Variants in CRB1 observed in about 807,000 individuals in gnomAD.
CRB1 encodes crumbs cell polarity complex component 1.
Under a neutral mutation model 120.0 loss-of-function variants are expected in CRB1, and 83 were observed. The ratio of observed to expected loss-of-function variants is 0.69; its 90% CI spans 0.58 to 0.83. CRB1 has a LOEUF of 0.83. CRB1 is among the 40% of genes least tolerant of loss of function. CRB1 has a pLI of 0.00. For synonymous variants in CRB1, 625 were observed against 612.5 expected, an observed-to-expected ratio of 1.02 and a Z score of -0.30; for missense variants, 1,699 against 1,687.6, an observed-to-expected ratio of 1.01 and a Z score of -0.12.
At position 197,435,080 on chromosome 1, in the gene CRB1, T is replaced by A. The variant is rs1665076063; in HGVS notation, c.3217T>A (p.Phe1073Ile). ...CACAATTGCTACTGGAAGCCTCAAC[T>A]TTTTGAAGGATAATACAGATATTTA... ...TSTIATGSLN[F>I]LKDNTDIYVG... Residue 1073 changes from phenylalanine to isoleucine, a missense_variant, in exon 9 of 12, where the codon TTT (phenylalanine) becomes ATT (isoleucine). Transcript: ENST00000367400. 1 of 1,613,954 alleles carries A rather than the reference T, an allele frequency of 6.2e-7. No individual in the cohort carries two copies. Among genetic ancestry groups the A allele is most frequent in the African/African-American group, 1.3e-5 (1 of 75,022 alleles).
intron 11 of CRB1, among the ~76,000 whole-genome samples, chr1:197,472,692 T>C (rs1184996114): frequency 1.3e-5 from 2 of 152,160 alleles, no homozygotes; most frequent in African/African-American, 2.4e-5. Context: ...TTAGATTAAC[T>C]CTCAAGCAAT....
intron 11 of CRB1, among the ~76,000 whole-genome samples, chr1:197,460,557 C>G (rs1666483604): frequency 6.6e-6 from 1 of 152,146 alleles, no homozygotes; most frequent in African/African-American, 2.4e-5. Context: ...CACATGCACT[C>G]AACATGCAAT....
chr1:197,244,056 G>A, the CRB1 span, among the ~76,000 whole-genome samples: 12 of 151,940 alleles, frequency 7.9e-5, no homozygotes, highest in Admixed American at 1.3e-4. Flanking sequence ...TTTATTTTGA[G>A]CCTGTGTGTG....
At chr1:197,473,636 C>T (rs1021381932) in intron 11 of CRB1, among the ~76,000 whole-genome samples, 2 of 150,866 alleles carry the variant, frequency 1.3e-5, no homozygotes, top group Non-Finnish European at 3.0e-5. Context: ...AAAAACAATT[C>T]TACATTATAT....
rs370620504 is a variant in CRB1 at position 197,454,728 on chromosome 1, A to G, written c.4005+12436A>G. 3.9e-4 allele frequency among the ~76,000 whole-genome samples: 59 copies of G among 152,320 alleles called. 1 individual carries two copies. In the South Asian group the frequency reaches 0.012, roughly 32 times the overall value. Reference sequence around the variant, plus strand: ...TCATGCAGCATTTTTGTTAGCTGTCAAATCAATCTCATCATCTACTAAAAT... The same window carrying G: ...TCATGCAGCATTTTTGTTAGCTGTCGAATCAATCTCATCATCTACTAAAAT... On this transcript the variant is annotated intron_variant, in intron 11 of 11. Transcript: ENST00000367400.
intron 5 of CRB1, among the ~76,000 whole-genome samples, chr1:197,401,539 T>C (rs1663063863): frequency 6.6e-6 from 1 of 152,200 alleles, no homozygotes; most frequent in South Asian, 2.1e-4. Context: ...TGGAAATTTA[T>C]TTTTGAAGAA....
chr1:197,351,289 G>A lies in CRB1; in HGVS notation c.988+3810G>A, dbSNP rs888787385. Among the ~76,000 whole-genome samples the A allele has an allele frequency of 2.0e-5, 3 of 148,410 alleles. No individual in the cohort carries two copies. The Admixed American group carries it at 2.0e-4, about 10-fold the overall frequency. On this transcript the variant is annotated intron_variant, in intron 4 of 11. Transcript: ENST00000367400. ...GCAGGAGAATCACTTGAACCTGGGAGGCGGAGGTTGCAGTGAGCCGAGATC... is the reference window on the plus strand; with the variant it reads ...GCAGGAGAATCACTTGAACCTGGGAAGCGGAGGTTGCAGTGAGCCGAGATC...
chr1:197,289,926 A>G (rs1158762993), intron 1 of CRB1, among the ~76,000 whole-genome samples: 2 of 151,694 alleles, frequency 1.3e-5, no homozygotes, highest in East Asian at 3.9e-4. Context: ...TCTTATGTAG[A>G]TGATTATATA....
rs1664303513 is a variant in CRB1, at chr1:197,421,349, T to G, written c.1521T>G (p.Val507=). The G allele has an allele frequency of 6.2e-7, 1 of 1,614,212 alleles. No homozygotes were observed. Among genetic ancestry groups the G allele is most frequent in the Non-Finnish European group, 8.5e-7 (1 of 1,180,036 alleles). ...KSGSVTTKGS[V]CNIALRFQTV... Reference sequence around the variant, plus strand: ...GCTCAGTGACAACCAAGGGCTCAGTTTGTAACATAGCCCTCAGGTTTCAGA... The same window carrying G: ...GCTCAGTGACAACCAAGGGCTCAGTGTGTAACATAGCCCTCAGGTTTCAGA... The change falls in exon 6 of 12, where the codon GTT becomes GTG. Residue 507 remains valine, a synonymous_variant. Transcript: ENST00000367400.
intron 5 of CRB1, among the ~76,000 whole-genome samples, chr1:197,371,105 C>CT (rs976036606): frequency 7.2e-5 from 11 of 152,168 alleles, no homozygotes; most frequent in Non-Finnish European, 1.6e-4. Context: ...GTCTTAACCA[C>CT]TTTTTTTCCA....
intron 1 of CRB1, among the ~76,000 whole-genome samples, chr1:197,309,045 A>G (rs1657350021): frequency 6.6e-6 from 1 of 151,508 alleles, no homozygotes; most frequent in African/African-American, 2.4e-5. Context: ...GTATATGTAT[A>G]TATTTATGTT....
At chr1:197,209,529 G>A in the CRB1 span, among the ~76,000 whole-genome samples, 1 of 151,866 alleles carries the variant, frequency 6.6e-6, no homozygotes, top group Non-Finnish European at 1.5e-5. Flanking sequence ...TGTATTTTTA[G>A]TAAGGACAGG....
chr1:197,260,369 CTG>C, the CRB1 span, among the ~76,000 whole-genome samples: 6 of 151,902 alleles, frequency 3.9e-5, no homozygotes, highest in African/African-American at 9.7e-5. Context: ...AAAATTAAAA[CTG>C]TAAGTTAGAT....
chr1:197,432,947 T>C (rs939274292), intron 8 of CRB1, among the ~76,000 whole-genome samples: 1 of 151,850 alleles, frequency 6.6e-6, no homozygotes, highest in Non-Finnish European at 1.5e-5. Flanking sequence ...GTATCTTCAA[T>C]GAATGGCAAG....
intron 5 of CRB1, among the ~76,000 whole-genome samples, chr1:197,389,414 A>G (rs917537454): frequency 1.3e-5 from 2 of 152,172 alleles, no homozygotes; most frequent in Non-Finnish European, 2.9e-5. Context: ...CCTTGAGGAA[A>G]TATGTTAAGT....
rs554916281 is a variant in CRB1, at chr1:197,467,582, CT to C, written c.4006-10075del. 1.3e-3 allele frequency among the ~76,000 whole-genome samples: 202 copies of C among 152,196 alleles called. 1 individual carries two copies. The highest frequency in any genetic ancestry group is 4.7e-3 in the African/African-American group (195 of 41,550). On this transcript the variant is annotated intron_variant, in intron 11 of 11. Transcript: ENST00000367400. ...ATCATTTGGCATGTCTTTTTAGTAT[CT>C]TTTTTTATCTCAAACTGTCCCCTGC... is the stretch of plus-strand genomic sequence containing the variant.
At chr1:197,365,698 T>G (rs921070228) in intron 5 of CRB1, among the ~76,000 whole-genome samples, 2 of 151,378 alleles carry the variant, frequency 1.3e-5, no homozygotes, top group Non-Finnish European at 2.9e-5. Context: ...CGCCTTGTGT[T>G]GTAGGTGGGA....
the CRB1 span, among the ~76,000 whole-genome samples, chr1:197,239,361 C>G: frequency 2.6e-5 from 4 of 151,962 alleles, no homozygotes; most frequent in Admixed American, 2.6e-4. Flanking sequence ...ATTTGTCTTT[C>G]AAGTTCTATC....
chr1:197,429,649 A>G lies in CRB1; in HGVS notation c.2842+35A>G, dbSNP rs1308715003. ...GTTCAAACCTACCATCTCACCAGTTAAGTTGCGACATTTGAGTTGTTCCAA... is the reference window on the plus strand; with the variant it reads ...GTTCAAACCTACCATCTCACCAGTTGAGTTGCGACATTTGAGTTGTTCCAA... On this transcript the variant is annotated intron_variant, in intron 8 of 11. Coordinates refer to ENST00000367400, the MANE Select transcript of CRB1 (RefSeq NM_201253.3). The G allele has an allele frequency of 1.9e-6, 3 of 1,606,656 alleles. No individual in the cohort carries two copies. The African/African-American group carries it at 4.0e-5, about 21-fold the overall frequency.
Sources: allele counts gnomAD v4.1 joint callset (sites outside exome capture counted in the v4.1 genomes callset), GRCh38; gene constraint gnomAD v4.1.1; transcripts MANE v1.5; gene names NCBI Gene and HGNC (gene_info 2026-07-23, HGNC 2026-07-21).